The following SPDYE1 variants were observed in gnomAD, a reference collection of about 807,000 sequenced individuals.
SPDYE1 encodes speedy/RINGO cell cycle regulator family member E1.
A neutral mutation model predicts 45.9 loss-of-function variants in SPDYE1; 29 were observed. The observed-to-expected ratio is 0.63, with a 90% CI of 0.47 to 0.86. SPDYE1 has a LOEUF of 0.86. Ranked by LOEUF, SPDYE1 falls within the 40% of genes least tolerant of loss-of-function variation. The probability of loss-of-function intolerance (pLI) is 0.00; values close to 1 mark genes in which losing one functional copy is unlikely to be tolerated. For synonymous variants in SPDYE1, 134 were observed against 176.8 expected (o/e 0.76, Z 1.92); for missense variants, 346 against 481.4 (o/e 0.72, Z 2.63).
Position 44,005,153 on chromosome 7 carries a change from T to C in SPDYE1, c.678T>C (p.Ala226=), listed in dbSNP as rs2096069451. 6.2e-7 allele frequency: 1 copy of C among 1,611,904 alleles called. No homozygotes were observed. The highest frequency in any genetic ancestry group is 1.1e-5 in the South Asian group (1 of 90,994). The part of the protein sequence containing the change: ...DLRVSDKYLL[A]MVIAYFSRAG... ...TTTCTCTCCATCAGTATCTCCTTGCTATGGTCATAGCGTATTTCAGCCGAG... is the reference window on the plus strand; with the variant it reads ...TTTCTCTCCATCAGTATCTCCTTGCCATGGTCATAGCGTATTTCAGCCGAG... Residue 226 remains alanine, a synonymous_variant, in exon 6 of 9, where the codon GCT becomes GCC. Transcript: ENST00000693451.
Position 44,005,009 on chromosome 7 carries a change from G to A in SPDYE1, c.667-133G>A, listed in dbSNP as rs2128778292. On this transcript the variant is annotated intron_variant, in intron 5 of 8. Transcript: ENST00000693451. ...CCCCTCCATCCCGCAATTTCCAAAT[G>A]AGTACAGTCACCCCAACACTGAGGT... is the stretch of plus-strand genomic sequence containing the variant. The A allele has an allele frequency of 3.6e-6, 4 of 1,095,918 alleles. No homozygotes were observed. The South Asian group carries it at 3.7e-5, about 10-fold the overall frequency. 67.9% of individuals were successfully genotyped at this position (1,095,918 alleles called of 1,614,324 possible).
chr7:43,998,426 A>G (rs1021022856), intron 1 of SPDYE1, among the ~76,000 whole-genome samples: 8 of 151,208 alleles, frequency 5.3e-5, no homozygotes, highest in Non-Finnish European at 8.8e-5. Context: ...GTGATTCTCC[A>G]GCGCCCTCTC....
At position 44,007,494 on chromosome 7, in the gene SPDYE1, C is replaced by T. The variant is rs761591910; in HGVS notation, c.979C>T (p.Arg327Cys). The T allele has an allele frequency of 1.6e-5, 26 of 1,613,724 alleles. No homozygotes were observed. Among genetic ancestry groups the T allele is most frequent in the South Asian group, 6.6e-5 (6 of 91,072 alleles). Residue 327 changes from arginine (R) to cysteine (C), a missense_variant, in exon 7 of 9, where the codon CGC becomes TGC. By Grantham distance (180) the Arg-to-Cys change is radical. Transcript: ENST00000693451. ...CATGAACCCGAGGGCCAGGAAGAAC[C>T]GCTCTCAGATAGTCCTGTTCCAGAA... ...RCMNPRARKN[R>C]SQIVLFQKRR...
chr7:43,998,028 CAA>C lies in SPDYE1; in HGVS notation c.-423+72_-423+73del, dbSNP rs1476694018. On this transcript the variant is annotated intron_variant, in intron 1 of 8. Transcript: ENST00000693451. ...GGTTAAATCAGAGCTTTTCATTCCA[CAA>C]AAGAGAAATTTTAATGGGGTCAGAA... 2.6e-5 allele frequency among the ~76,000 whole-genome samples: 4 copies of C among 152,184 alleles called. No individual in the cohort carries two copies. In the East Asian group the frequency reaches 7.7e-4, roughly 29 times the overall value.
chr7:44,009,755 T>C lies in SPDYE1; in HGVS notation c.*1134T>C, dbSNP rs1169079133. 1 of 151,550 alleles carries C rather than the reference T, an allele frequency of 6.6e-6. No homozygotes were observed. Among genetic ancestry groups the C allele is most frequent in the Non-Finnish European group, 1.5e-5 (1 of 67,888 alleles). The allele number at this position is 151,550 out of a possible 1,614,324, so 9.4% of individuals were successfully genotyped here. A position where few individuals can be genotyped will look rare whatever the true frequency, so the allele number is the denominator to read the frequency against. On this transcript the variant is annotated 3_prime_UTR_variant, in exon 9 of 9. Transcript: ENST00000693451. ...TGTTATATACACATACATATAATTT[T>C]GTTTTCCTTTTTAAGAGAGGATTCT...
Position 44,009,029 on chromosome 7 carries a change from A to C in SPDYE1, c.*408A>C. The C allele has an allele frequency of 5.6e-6, 2 of 356,460 alleles. No individual in the cohort carries two copies. The highest frequency in any genetic ancestry group is 1.6e-4 in the East Asian group (2 of 12,336). 22.1% of individuals were successfully genotyped at this position (356,460 alleles called of 1,614,324 possible). On this transcript the variant is annotated 3_prime_UTR_variant, in exon 9 of 9. Coordinates refer to ENST00000693451, the MANE Select transcript of SPDYE1 (RefSeq NM_001378423.2). Reference sequence around the variant, plus strand: ...CCACAGTCCAGGAGCATTTGAAGGCACAATGCAGGGGCTCAGATTGGCACA... The same window carrying C: ...CCACAGTCCAGGAGCATTTGAAGGCCCAATGCAGGGGCTCAGATTGGCACA...
At chr7:43,999,361 G>A (rs2096059547) in intron 1 of SPDYE1, among the ~76,000 whole-genome samples, 167 bp from the exon 2 acceptor site, 1 of 151,896 alleles carries the variant, frequency 6.6e-6, no homozygotes, top group Non-Finnish European at 1.5e-5. Flanking sequence ...TGAGTGCTCT[G>A]ATGTGACTTT....
chr7:44,005,385 A>G, intron 6 of SPDYE1, 158 bp downstream of exon 6: 1 of 1,190,398 alleles, frequency 8.4e-7, no homozygotes, highest in Non-Finnish European at 1.2e-6. Context: ...TTGTTTCTAA[A>G]CAGAAACTCA....
At chr7:44,004,992 T>A in intron 5 of SPDYE1, 150 bp from the exon 6 acceptor site, 1 of 934,054 alleles carries the variant, frequency 1.1e-6, no homozygotes, top group South Asian at 1.3e-5. Flanking sequence ...TACCCCTCCA[T>A]CCCGCAATTT....
intron 3 of SPDYE1, among the ~76,000 whole-genome samples, chr7:44,002,033 G>C (rs2096064019): frequency 6.6e-6 from 1 of 151,556 alleles, no homozygotes; most frequent in African/African-American, 2.4e-5. Context: ...CTGAGGCAGG[G>C]TTCAGTGGCT....
chr7:43,999,494 G>C (rs1042662310), intron 1 of SPDYE1, among the ~76,000 whole-genome samples, 34 bp from the exon 2 acceptor site: 1 of 151,796 alleles, frequency 6.6e-6, no homozygotes, highest in African/African-American at 2.4e-5. Flanking sequence ...GCTTACCCTA[G>C]TTTTCTTTCC....
At chr7:44,004,021 C>T in intron 5 of SPDYE1, 110 bp downstream of exon 5, 1 of 657,566 alleles carries the variant, frequency 1.5e-6, no homozygotes, top group South Asian at 2.0e-5. Flanking sequence ...GATGCTCCTA[C>T]AGTCTTTTTT....
intron 8 of SPDYE1, among the ~76,000 whole-genome samples, chr7:44,008,027 G>A (rs1429401112): frequency 5.9e-5 from 9 of 152,348 alleles, no homozygotes; most frequent in African/African-American, 1.2e-4. Flanking sequence ...CTGGAAGGTC[G>A]GGGCTGCACG....
chr7:44,007,876 C>T, intron 8 of SPDYE1, 63 bp downstream of exon 8: 1 of 1,575,428 alleles, frequency 6.3e-7, no homozygotes, highest in Non-Finnish European at 8.6e-7. Context: ...ATCCGAAGAA[C>T]CCAATTGCTT....
At position 44,008,917 on chromosome 7, in the gene SPDYE1, C is replaced by G. The variant is rs2096075477; in HGVS notation, c.*296C>G. The G allele has an allele frequency of 1.7e-6, 1 of 584,308 alleles. No homozygotes were observed. Among genetic ancestry groups the G allele is most frequent in the African/African-American group, 1.9e-5 (1 of 53,048 alleles). The allele number at this position is 584,308 out of a possible 1,614,324, so 36.2% of individuals were successfully genotyped here. On this transcript the variant is annotated 3_prime_UTR_variant, in exon 9 of 9. Transcript: ENST00000693451. ...GGAGTGTTTCCAGTTCCACCCTTTC[C>G]TGGGGCACCACCACCCTTTTTATAT...
intron 1 of SPDYE1, among the ~76,000 whole-genome samples, chr7:43,999,306 G>A (rs2096059448): frequency 6.6e-6 from 1 of 152,188 alleles, no homozygotes; most frequent in African/African-American, 2.4e-5. Flanking sequence ...CAGAATCTTG[G>A]ACAGTGAATG....
intron 8 of SPDYE1, 166 bp downstream of exon 8, chr7:44,007,979 A>G: frequency 6.7e-7 from 1 of 1,482,746 alleles, no homozygotes; most frequent in Non-Finnish European, 9.0e-7. Context: ...CTCTACTCCC[A>G]ACTACTCAGG....
intron 3 of SPDYE1, among the ~76,000 whole-genome samples, chr7:44,002,319 CAAA>C (rs57275170): frequency 2.3e-5 from 1 of 43,324 alleles, no homozygotes; most frequent in African/African-American, 8.5e-5. Context: ...ACAACAACAA[CAAA>C]AAAAAAAAAA....
intron 8 of SPDYE1, 47 bp from the exon 9 acceptor site, chr7:44,008,620 T>C: frequency 8.1e-7 from 1 of 1,230,136 alleles, no homozygotes; most frequent in African/African-American, 1.6e-5. Flanking sequence ...CCTTCCTGTC[T>C]AGAGAGCTGC....
Sources: gnomAD v4.1 joint callset for allele counts (sites outside exome capture counted in the v4.1 genomes callset) on GRCh38, gnomAD v4.1.1 for gene constraint, MANE v1.5 for transcripts, NCBI Gene and HGNC (gene_info 2026-07-23, HGNC 2026-07-21) for gene names.